The following KIAA1217 variants were observed in gnomAD, a reference collection of about 807,000 sequenced individuals.
The protein encoded by KIAA1217 is sickle tail protein homolog.
Under a neutral mutation model 163.9 loss-of-function variants are expected in KIAA1217, and 88 were observed. That is an observed-to-expected ratio of 0.54 (90% confidence interval 0.45 to 0.64). The LOEUF is 0.64. Among genes scored for constraint, KIAA1217 ranks in the 30% least tolerant of loss-of-function variants. The pLI, the probability that KIAA1217 is intolerant of heterozygous loss-of-function variation, is 0.00. For missense variants in KIAA1217, 2,372 were observed against 2,475.0 expected, an observed-to-expected ratio of 0.96 and a Z score of 0.88; for synonymous variants, 903 against 923.1, an observed-to-expected ratio of 0.98 and a Z score of 0.39.
chr10:24,199,077 C>G (rs1411578615), intron 2 of KIAA1217, among the ~76,000 whole-genome samples: 1 of 152,046 alleles, frequency 6.6e-6, no homozygotes, highest in East Asian at 1.9e-4. Context: ...AGAAAATTAG[C>G]CAGACATGGT....
intron 2 of KIAA1217, among the ~76,000 whole-genome samples, chr10:24,008,710 A>G (rs1847116332): frequency 6.6e-6 from 1 of 152,048 alleles, no homozygotes; most frequent in East Asian, 1.9e-4. Flanking sequence ...TGCTGTCTCT[A>G]TAAATACTGT....
chr10:23,846,991 A>T (rs1221826123), intron 1 of KIAA1217, among the ~76,000 whole-genome samples: 1 of 152,124 alleles, frequency 6.6e-6, no homozygotes, highest in Non-Finnish European at 1.5e-5. Context: ...TATTGAGATA[A>T]TCATGTGGTT....
At chr10:24,002,142 T>C (rs969707783) in intron 1 of KIAA1217, among the ~76,000 whole-genome samples, 2 of 152,154 alleles carry the variant, frequency 1.3e-5, no homozygotes, top group African/African-American at 4.8e-5. Flanking sequence ...TGGATATTAT[T>C]CTCAGGAAGG....
At chr10:24,110,695 T>G (rs923932148) in intron 2 of KIAA1217, among the ~76,000 whole-genome samples, 3 of 151,926 alleles carry the variant, frequency 2.0e-5, no homozygotes, top group Non-Finnish European at 4.4e-5. Flanking sequence ...CTGTGAGAAA[T>G]AACTCATTAA....
intron 2 of KIAA1217, among the ~76,000 whole-genome samples, chr10:24,304,758 G>GACTTCC (rs1416684014): frequency 6.6e-6 from 1 of 152,148 alleles, no homozygotes; most frequent in African/African-American, 2.4e-5. Context: ...GGTGGAGAAA[G>GACTTCC]ACTTCCTAGG....
intron 2 of KIAA1217, among the ~76,000 whole-genome samples, chr10:24,156,890 A>G (rs1168161246): frequency 6.6e-6 from 1 of 152,148 alleles, no homozygotes; most frequent in Non-Finnish European, 1.5e-5. Flanking sequence ...TTTGAGTGTC[A>G]TGCTTCCCAT....
intron 1 of KIAA1217, among the ~76,000 whole-genome samples, chr10:23,779,517 T>C (rs1156326292): frequency 6.6e-6 from 1 of 152,200 alleles, no homozygotes; most frequent in Non-Finnish European, 1.5e-5. Flanking sequence ...GACTAATAGA[T>C]ACTTAACTGG....
chr10:24,184,587 A>G (rs1023194942), intron 2 of KIAA1217, among the ~76,000 whole-genome samples: 1 of 152,170 alleles, frequency 6.6e-6, no homozygotes, highest in Admixed American at 6.5e-5. Flanking sequence ...AGGATTTCCC[A>G]TGAGGCCAAA....
chr10:24,542,710 T>C lies in KIAA1217; in HGVS notation c.3552T>C (p.His1184=). Residue 1184 remains histidine (H), a synonymous_variant, in exon 18 of 21, where the codon CAT becomes CAC. Transcript: ENST00000376454. The part of the protein sequence containing the change: ...PKEKKNLEFF[H]EDVRKSDVEY... ...TCTACCAGAATTTGGAATTTTTCCA[T>C]GAAGATGTACGGAAATCTGATGTTG... The C allele has an allele frequency of 6.2e-7, 1 of 1,614,210 alleles. No homozygotes were observed. The highest frequency in any genetic ancestry group is 8.5e-7 in the Non-Finnish European group (1 of 1,180,020).
chr10:23,986,446 T>G (rs1055140206), intron 1 of KIAA1217, among the ~76,000 whole-genome samples: 1 of 152,258 alleles, frequency 6.6e-6, no homozygotes, highest in Non-Finnish European at 1.5e-5. Context: ...ATATAACCTA[T>G]GCATGTCATC....
intron 3 of KIAA1217, among the ~76,000 whole-genome samples, chr10:24,387,759 A>G (rs1039696409): frequency 6.6e-6 from 1 of 152,120 alleles, no homozygotes; most frequent in Non-Finnish European, 1.5e-5. Context: ...ATACACCAAT[A>G]ACAGACAAAC....
chr10:23,882,753 G>GC (rs1564504097), intron 1 of KIAA1217, among the ~76,000 whole-genome samples: 1 of 151,916 alleles, frequency 6.6e-6, no homozygotes, highest in African/African-American at 2.4e-5. Context: ...AATGTCTCCT[G>GC]CTTTACCTAG....
chr10:24,113,972 CTG>C (rs2062954397), intron 2 of KIAA1217, among the ~76,000 whole-genome samples: 1 of 152,182 alleles, frequency 6.6e-6, no homozygotes. Context: ...CATGGGAGTC[CTG>C]TGTGACTGCT....
chr10:24,424,296 G>A (rs527813471), intron 3 of KIAA1217, among the ~76,000 whole-genome samples: 6 of 152,080 alleles, frequency 3.9e-5, no homozygotes, highest in South Asian at 4.1e-4. Flanking sequence ...TGTTCAAATC[G>A]CTGCTGTGTT....
In KIAA1217 at chr10:23,713,935, CTT is replaced by C. The variant is rs1837411997; in HGVS notation, c.-321+18704_-321+18705del. 3.3e-5 allele frequency among the ~76,000 whole-genome samples: 5 copies of C among 152,232 alleles called. No homozygotes were observed. In the East Asian group the frequency reaches 9.7e-4, roughly 29 times the overall value. On this transcript the variant is annotated intron_variant, in intron 1 of 18. Coordinates refer to the KIAA1217 transcript ENST00000376462. ...TTCTGAATTCAAACTTGCTTATACA[CTT>C]TTCATTTTAGGTACCCCATCCAGCT...
rs1280246143 is a variant in KIAA1217, at chr10:23,695,403, C to G, written c.-321+169C>G. Among the ~76,000 whole-genome samples the G allele has an allele frequency of 6.6e-6, 1 of 152,146 alleles. No individual in the cohort carries two copies. Among genetic ancestry groups the G allele is most frequent in the African/African-American group, 2.4e-5 (1 of 41,464 alleles). On this transcript the variant is annotated intron_variant, in intron 1 of 18. Transcript: ENST00000376462. The surrounding 1 kb of genome is among the most constrained non-coding windows in gnomAD (Gnocchi z 4.9). ...AGGGCAAGGACCCCCCCAGGAGGGC[C>G]AGGCCGGGAGGGGTCCCGGTGCGGT...
At chr10:24,467,461 T>G (rs925651233) in intron 5 of KIAA1217, among the ~76,000 whole-genome samples, 2 of 152,212 alleles carry the variant, frequency 1.3e-5, no homozygotes, top group African/African-American at 4.8e-5. Flanking sequence ...GTTCATACAT[T>G]GCCATTATAT....
intron 1 of KIAA1217, among the ~76,000 whole-genome samples, chr10:23,992,866 A>G (rs764397702): frequency 6.6e-6 from 1 of 151,728 alleles, no homozygotes; most frequent in Non-Finnish European, 1.5e-5. Flanking sequence ...GGCAGGAGGA[A>G]GAAAGGCCAC....
At chr10:23,843,939 A>T (rs539938186) in intron 1 of KIAA1217, among the ~76,000 whole-genome samples, 8 of 152,268 alleles carry the variant, frequency 5.3e-5, no homozygotes, top group African/African-American at 1.9e-4. Flanking sequence ...ATGGTACCTT[A>T]TCTTTAGTGG....
Sources: gnomAD v4.1 joint callset for allele counts (sites outside exome capture counted in the v4.1 genomes callset) on GRCh38, gnomAD v4.1.1 for gene constraint, Gnocchi (gnomAD v3.1) non-coding constraint, MANE v1.5 for transcripts, NCBI Gene and HGNC (gene_info 2026-07-23, HGNC 2026-07-21) for gene names.